Variants in RUNX1 observed in about 807,000 individuals in gnomAD.
The protein encoded by RUNX1 is RUNX family transcription factor 1, also known as runt-related transcription factor 1.
In RUNX1, 19 loss-of-function variants were observed where a neutral mutation model predicts 42.8. The ratio of observed to expected loss-of-function variants is 0.44; its 90% confidence interval spans 0.31 to 0.65. RUNX1 has a LOEUF of 0.65. Ranked by LOEUF, RUNX1 falls within the 30% of genes least tolerant of loss-of-function variation. The pLI is 0.07. For synonymous variants in RUNX1, 271 were observed against 289.4 expected, an observed-to-expected ratio of 0.94 and a Z score of 0.64; for missense variants, 528 against 672.0, an observed-to-expected ratio of 0.79 and a Z score of 2.37.
chr21:34,800,710 C>T lies in RUNX1; in HGVS notation c.806-1248G>A, dbSNP rs148779484. 5.2e-3 allele frequency among the ~76,000 whole-genome samples: 795 copies of T among 152,314 alleles called. 8 individuals carry two copies. The highest frequency in any genetic ancestry group is 0.018 in the African/African-American group (747 of 41,560). On this transcript the variant is annotated intron_variant, in intron 7 of 8. Transcript: ENST00000675419. ...TGCCACAGTGGATAACAGAATCAGA[C>T]ATTTGGAGACCCAAGTCTTCCTCCC...
intron 2 of RUNX1, among the ~76,000 whole-genome samples, chr21:34,893,233 C>T (rs1338499630): frequency 6.6e-6 from 1 of 151,934 alleles, no homozygotes; most frequent in Non-Finnish European, 1.5e-5. Context: ...TTTTAAGCTC[C>T]GTGTGTGATT....
At chr21:35,015,966 T>C (rs940915037) in intron 2 of RUNX1, among the ~76,000 whole-genome samples, 1 of 152,202 alleles carries the variant, frequency 6.6e-6, no homozygotes, top group African/African-American at 2.4e-5. Context: ...CAAATGTGTA[T>C]TGGGTGACCT....
intron 2 of RUNX1, among the ~76,000 whole-genome samples, chr21:34,976,585 A>G (rs1297304251): frequency 6.6e-6 from 1 of 152,178 alleles, no homozygotes; most frequent in Non-Finnish European, 1.5e-5. Flanking sequence ...AACACCGTGG[A>G]AGCTCTCTGA....
chr21:35,040,926 G>A (rs1409465171), intron 2 of RUNX1, among the ~76,000 whole-genome samples: 1 of 151,912 alleles, frequency 6.6e-6, no homozygotes, highest in Non-Finnish European at 1.5e-5. Context: ...AGATTTTCTG[G>A]GTCTTTCTTT....
chr21:34,995,486 G>A (rs1420248187), intron 2 of RUNX1, among the ~76,000 whole-genome samples: 1 of 142,328 alleles, frequency 7.0e-6, no homozygotes, highest in Non-Finnish European at 1.5e-5. Context: ...TGTCACCCAG[G>A]CTGGAGTGCA....
At chr21:34,992,454 G>C (rs8134978) in intron 2 of RUNX1, among the ~76,000 whole-genome samples, 10 of 151,948 alleles carry the variant, frequency 6.6e-5, no homozygotes, top group African/African-American at 2.4e-4. Flanking sequence ...TCCCTGAAGT[G>C]AACATGAGTC....
At chr21:34,942,444 G>A (rs1021750710) in intron 2 of RUNX1, among the ~76,000 whole-genome samples, 1 of 152,092 alleles carries the variant, frequency 6.6e-6, no homozygotes, top group Non-Finnish European at 1.5e-5. Context: ...TCACTTGACC[G>A]TCATTCACCA....
At chr21:35,026,168 C>G (rs1022978896) in intron 2 of RUNX1, among the ~76,000 whole-genome samples, 1 of 152,140 alleles carries the variant, frequency 6.6e-6, no homozygotes, top group African/African-American at 2.4e-5. Context: ...ATTACTGATT[C>G]GGGAACACTG....
chr21:34,862,418 T>C (rs2057590171), intron 5 of RUNX1, among the ~76,000 whole-genome samples: 1 of 152,228 alleles, frequency 6.6e-6, no homozygotes, highest in Non-Finnish European at 1.5e-5. Context: ...CTGGGGCTGC[T>C]GTAATAAATT....
intron 2 of RUNX1, among the ~76,000 whole-genome samples, chr21:34,910,964 C>G (rs551719063): frequency 1.3e-5 from 2 of 152,188 alleles, no homozygotes; most frequent in Admixed American, 6.5e-5. Flanking sequence ...GACATGAGGT[C>G]TCCTTATTTG....
chr21:34,986,760 C>A (rs142304790), intron 2 of RUNX1, among the ~76,000 whole-genome samples: 2 of 152,052 alleles, frequency 1.3e-5, no homozygotes, highest in South Asian at 2.1e-4. Context: ...TCTCCTGGAG[C>A]CTTCAGAGGG....
In RUNX1 at chr21:34,907,788, G is replaced by A. The variant is rs1386156396; in HGVS notation, c.59-14825C>T. Reference sequence around the variant, plus strand: ...AAAACAGAGTGAAGCTGTTTTGAAGGCCATCCTTCTGTGGAATAGCATTGG... The same window carrying A: ...AAAACAGAGTGAAGCTGTTTTGAAGACCATCCTTCTGTGGAATAGCATTGG... On this transcript the variant is annotated intron_variant, in intron 2 of 8. Transcript: ENST00000675419. This position sits in a 1 kb window ranked among gnomAD's most constrained non-coding sequence, Gnocchi z 5.3. Among the ~76,000 whole-genome samples, 2 of 152,232 alleles carry A rather than the reference G, an allele frequency of 1.3e-5. No individual in the cohort carries two copies. The highest frequency in any genetic ancestry group is 2.9e-5 in the Non-Finnish European group (2 of 68,046).
intron 8 of RUNX1, among the ~76,000 whole-genome samples, chr21:34,796,525 GT>G (rs1183841289): frequency 1.3e-5 from 2 of 152,326 alleles, no homozygotes; most frequent in East Asian, 1.9e-4. Context: ...TTCACAGAGA[GT>G]TTTTAAGAGT....
chr21:35,019,050 A>G (rs1236297464), intron 2 of RUNX1, among the ~76,000 whole-genome samples: 2 of 152,220 alleles, frequency 1.3e-5, no homozygotes, highest in African/African-American at 2.4e-5. Flanking sequence ...AAAAGTCTCC[A>G]TAGGTCTCTA....
At chr21:34,829,968 C>A (rs2057040788) in intron 7 of RUNX1, 1 of 152,178 alleles carries the variant, frequency 6.6e-6, no homozygotes, top group African/African-American at 2.4e-5. Flanking sequence ...TAACTCTATA[C>A]AACTGAGAAA....
chr21:34,791,581 TATATAAAA>T lies in RUNX1; in HGVS notation c.*546_*553del. The T allele has an allele frequency of 4.4e-6, 1 of 229,528 alleles. No individual in the cohort carries two copies. Among genetic ancestry groups the T allele is most frequent in the Non-Finnish European group, 8.6e-6 (1 of 115,716 alleles). The allele number at this position is 229,528 out of a possible 1,614,324, so 14.2% of individuals were successfully genotyped here. A position where few individuals can be genotyped will look rare whatever the true frequency, so the allele number is the denominator to read the frequency against. ...CAATTTATATATATTTATATAAACGTATATAAAAATAAAAACCACCCAAATGCAAATAC... is the reference window on the plus strand; with the variant it reads ...CAATTTATATATATTTATATAAACGTATAAAAACCACCCAAATGCAAATAC... On this transcript the variant is annotated 3_prime_UTR_variant, in exon 9 of 9. Coordinates refer to ENST00000675419, the MANE Select transcript of RUNX1 (RefSeq NM_001754.5).
intron 8 of RUNX1, among the ~76,000 whole-genome samples, chr21:34,797,560 G>A (rs775021138): frequency 6.6e-6 from 1 of 152,210 alleles, no homozygotes; most frequent in Non-Finnish European, 1.5e-5. Flanking sequence ...TATTTCAGGT[G>A]AAGACCGTAG....
chr21:34,951,940 C>T (rs1042256276), intron 2 of RUNX1, among the ~76,000 whole-genome samples: 11 of 152,112 alleles, frequency 7.2e-5, no homozygotes, highest in East Asian at 1.9e-4. Flanking sequence ...ATGTTTCTTG[C>T]GGCATTATTC....
chr21:34,901,400 C>G lies in RUNX1; in HGVS notation c.59-8437G>C, dbSNP rs986847295. Among the ~76,000 whole-genome samples the G allele has an allele frequency of 2.2e-4, 33 of 152,066 alleles. No homozygotes were observed. The highest frequency in any genetic ancestry group is 3.7e-4 in the Non-Finnish European group (25 of 68,020). On this transcript the variant is annotated intron_variant, in intron 2 of 8. Transcript: ENST00000675419. The surrounding 1 kb of genome is among the most constrained non-coding windows in gnomAD (Gnocchi z 4.3). ...TGGCGGCGCGTGCCTGTAGTCCCAG[C>G]TACTCGAGAGGCTAAGGCGGGAGAA...
Sources: allele counts gnomAD v4.1 joint callset (sites outside exome capture counted in the v4.1 genomes callset), GRCh38; gene constraint gnomAD v4.1.1; non-coding constraint Gnocchi (gnomAD v3.1); transcripts MANE v1.5; gene names NCBI Gene and HGNC (gene_info 2026-07-23, HGNC 2026-07-21).